The following YJU2 variants were observed in gnomAD, a reference collection of about 807,000 sequenced individuals.
The protein encoded by YJU2 is splicing factor YJU2.
Under a neutral mutation model 39.6 loss-of-function variants are expected in YJU2, and 28 were observed. That is an observed-to-expected ratio of 0.71 (90% CI 0.52 to 0.97). The LOEUF (loss-of-function observed/expected upper bound fraction) is 0.97, where lower values mean the gene tolerates loss of function less well. Among genes scored for constraint, YJU2 ranks in the 50% least tolerant of loss-of-function variants. The pLI is 0.00. For synonymous variants in YJU2, 184 were observed against 182.4 expected (o/e 1.01, Z -0.07); for missense variants, 328 against 430.4 (o/e 0.76, Z 2.11).
chr19:4,254,092 G>A (rs1970999361), intron 3 of YJU2, among the ~76,000 whole-genome samples: 1 of 152,134 alleles, frequency 6.6e-6, no homozygotes, highest in South Asian at 2.1e-4. Flanking sequence ...TCATGTTAAG[G>A]GTAGGGAGTG....
At chr19:4,251,211 G>C in intron 3 of YJU2, 40 bp downstream of exon 3, 1 of 1,605,004 alleles carries the variant, frequency 6.2e-7, no homozygotes, top group Non-Finnish European at 8.5e-7. Context: ...CTCTCCCCCA[G>C]CACACCTCAG....
intron 3 of YJU2, among the ~76,000 whole-genome samples, chr19:4,253,398 GA>G (rs1007304666): frequency 2.6e-4 from 39 of 152,094 alleles, no homozygotes; most frequent in African/African-American, 9.2e-4. Flanking sequence ...GCAACATGGC[GA>G]AACCCTGTCT....
intron 2 of YJU2, among the ~76,000 whole-genome samples, chr19:4,249,844 T>C (rs1970961462): frequency 1.3e-5 from 2 of 152,028 alleles, no homozygotes; most frequent in Non-Finnish European, 2.9e-5. Context: ...GTAGCTGGGA[T>C]TACAGGCGTG....
At chr19:4,258,492 C>T in intron 5 of YJU2, 69 bp downstream of exon 5, 1 of 1,512,072 alleles carries the variant, frequency 6.6e-7, no homozygotes, top group South Asian at 1.3e-5. Context: ...GCCTCTGCCC[C>T]AGACCCTTTC....
At chr19:4,260,150 C>T (rs1166974899) in intron 5 of YJU2, among the ~76,000 whole-genome samples, 2 of 152,178 alleles carry the variant, frequency 1.3e-5, no homozygotes, top group African/African-American at 4.8e-5. Context: ...AGGGGCCGGG[C>T]GCAGGGTCTC....
rs369061956 is a variant in YJU2, at chr19:4,262,094, C to G, written c.688C>G (p.Pro230Ala). 1 of 1,611,060 alleles carries G rather than the reference C, an allele frequency of 6.2e-7. No homozygotes were observed. Among genetic ancestry groups the G allele is most frequent in the Non-Finnish European group, 8.5e-7 (1 of 1,179,844 alleles). Residue 230 changes from proline to alanine, a missense_variant, in exon 6 of 8, where the codon CCC becomes GCC. Around this residue, in one of 2 missense-constraint regions of YJU2, gnomAD observed 244 missense variants for 264.6 expected, o/e 0.92. Coordinates refer to ENST00000262962, the MANE Select transcript of YJU2 (RefSeq NM_018074.6). ...SPLQPALRPN[P>A]TAILDEAPKP... ...CCTGCAGCCAGCCCTTCGGCCCAAC[C>G]CCACCGCCATCCTGGATGAGGTAAG...
In YJU2 at chr19:4,258,535, C is replaced by G. The variant is rs548234918; in HGVS notation, c.587+112C>G. ...TCTGGAGTGTCGCCTTTGCAAGGAC[C>G]CCTTTCCCACCGCCCATCTCACTTT... On this transcript the variant is annotated intron_variant, in intron 5 of 7. Coordinates refer to ENST00000262962, the MANE Select transcript of YJU2 (RefSeq NM_018074.6). 2.6e-5 allele frequency: 36 copies of G among 1,411,074 alleles called. No homozygotes were observed. The African/African-American group carries it at 4.6e-4, about 18-fold the overall frequency. 87.4% of individuals were successfully genotyped at this position (1,411,074 alleles called of 1,614,324 possible). A position where few individuals can be genotyped will look rare whatever the true frequency, so the allele number is the denominator to read the frequency against.
Position 4,258,372 on chromosome 19 carries a change from C to A in YJU2, c.536C>A (p.Ser179Ter), listed in dbSNP as rs373508102. The A allele has an allele frequency of 2.5e-6, 4 of 1,597,750 alleles. No homozygotes were observed. Among genetic ancestry groups the A allele is most frequent in the South Asian group, 1.1e-5 (1 of 87,880 alleles). Residue 179 changes from serine to a stop codon, truncating the protein, a stop_gained, in exon 5 of 8, where the codon TCG (serine) becomes TAG (stop). Coordinates refer to ENST00000262962, the MANE Select transcript of YJU2 (RefSeq NM_018074.6). LOFTEE classifies it high-confidence loss of function. Reference sequence around the variant, plus strand: ...GCTATGCTGAGGCAGCACCGCCTGTCGGAGGAGGAGCGGCGGAGGCAGCAG... The same window carrying A: ...GCTATGCTGAGGCAGCACCGCCTGTAGGAGGAGGAGCGGCGGAGGCAGCAG... ...FEAMLRQHRL[S>*]EEERRRQQQE...
At chr19:4,255,012 C>T (rs1971007842) in intron 4 of YJU2, among the ~76,000 whole-genome samples, 1 of 145,676 alleles carries the variant, frequency 6.9e-6, no homozygotes, top group Non-Finnish European at 1.5e-5. Context: ...GCCGAGATGG[C>T]GCCACTGCAC....
intron 6 of YJU2, among the ~76,000 whole-genome samples, chr19:4,266,063 C>T (rs547341884): frequency 4.3e-4 from 65 of 151,926 alleles, no homozygotes; most frequent in African/African-American, 1.5e-3. Context: ...AAGCGATTCT[C>T]CTGCCTCAGT....
chr19:4,257,749 C>T (rs1051028814), intron 4 of YJU2, among the ~76,000 whole-genome samples: 2 of 152,166 alleles, frequency 1.3e-5, no homozygotes, highest in Non-Finnish European at 2.9e-5. Flanking sequence ...GCTGGGATTA[C>T]AGGCGTGACC....
Position 4,251,034 on chromosome 19 carries a change from A to T in YJU2, c.133A>T (p.Thr45Ser). ...LMAPFNMRCK[T>S]CGEYIYKGKK... is the part of the protein sequence containing the mutation. ...CTACATGCTGCCCCGCAGGTGTAAG[A>T]CGTGCGGAGAATACATCTACAAGGG... is the stretch of plus-strand genomic sequence containing the variant. Residue 45 changes from threonine to serine, a missense_variant, in exon 3 of 8, where the codon ACG becomes TCG. Thr to Ser is a moderately conservative substitution (Grantham distance 58). Transcript: ENST00000262962. 1 of 1,614,172 alleles carries T rather than the reference A, an allele frequency of 6.2e-7. No homozygotes were observed. Among genetic ancestry groups the T allele is most frequent in the Non-Finnish European group, 8.5e-7 (1 of 1,180,018 alleles).
intron 2 of YJU2, 87 bp downstream of exon 2, chr19:4,249,415 A>G (rs1009017316): frequency 7.3e-6 from 6 of 818,010 alleles, no homozygotes; most frequent in African/African-American, 1.7e-5. Flanking sequence ...GTCCGGTGTT[A>G]AGACCAGATC....
At chr19:4,265,686 T>C (rs1971109936) in intron 6 of YJU2, among the ~76,000 whole-genome samples, 1 of 151,814 alleles carries the variant, frequency 6.6e-6, no homozygotes, top group Non-Finnish European at 1.5e-5. Context: ...GCTCCCAGCC[T>C]GTAGCAATTG....
In YJU2 at chr19:4,259,653, A is replaced by T. The variant is rs1023911645; in HGVS notation, c.587+1230A>T. Among the ~76,000 whole-genome samples the T allele has an allele frequency of 5.3e-5, 8 of 151,926 alleles. No homozygotes were observed. The East Asian group carries it at 1.5e-3, about 29-fold the overall frequency. ...CCTTAGTCTCCTGAAGTGCTGGATG[A>T]CACGTGTGAGCCCCTGTGGTTGGCT... On this transcript the variant is annotated intron_variant, in intron 5 of 7. Coordinates refer to ENST00000262962, the MANE Select transcript of YJU2 (RefSeq NM_018074.6).
Position 4,267,780 on chromosome 19 carries a change from G to A in YJU2, c.859+6G>A. 6.2e-7 allele frequency: 1 copy of A among 1,609,962 alleles called. No homozygotes were observed. Among genetic ancestry groups the A allele is most frequent in the Non-Finnish European group, 8.5e-7 (1 of 1,178,418 alleles). On this transcript the variant is annotated splice_donor_region_variant and intron_variant, in intron 7 of 7. Coordinates refer to ENST00000262962, the MANE Select transcript of YJU2 (RefSeq NM_018074.6). ...TCAGGCGGCCCCCACCCCAGGTAAG[G>A]TCACAGAGTTCCCAGAGCCGGGCGC...
intron 2 of YJU2, among the ~76,000 whole-genome samples, chr19:4,249,895 T>G (rs1457041761): frequency 2.0e-5 from 3 of 152,016 alleles, no homozygotes; most frequent in African/African-American, 7.2e-5. Context: ...TCAGTAGAGT[T>G]GGTGTTTTAC....
intron 1 of YJU2, among the ~76,000 whole-genome samples, chr19:4,247,646 T>G (rs1488440022): frequency 5.9e-5 from 3 of 51,076 alleles, no homozygotes; most frequent in Non-Finnish European, 1.0e-4. Flanking sequence ...TGTGTGTGTG[T>G]GTGTGTGTGT....
chr19:4,251,884 G>A (rs1970979857), intron 3 of YJU2, among the ~76,000 whole-genome samples: 1 of 152,010 alleles, frequency 6.6e-6, no homozygotes, highest in Non-Finnish European at 1.5e-5. Context: ...GTACTTGGGA[G>A]ACCAAAGCAG....
Sources: gnomAD v4.1 joint callset for allele counts (sites outside exome capture counted in the v4.1 genomes callset) on GRCh38, gnomAD v4.1.1 for gene constraint, gnomAD v4.1.1 regional missense constraint, MANE v1.5 for transcripts, NCBI Gene and HGNC (gene_info 2026-07-23, HGNC 2026-07-21) for gene names.